Variants in CHD7 observed in about 807,000 individuals in gnomAD.
CHD7 encodes ATP-dependent chromatin remodeler CHD7.
Under a neutral mutation model 307.3 loss-of-function variants are expected in CHD7, and 24 were observed. That is an observed-to-expected ratio of 0.08 (90% CI 0.06 to 0.11). CHD7 has a LOEUF of 0.11. Among genes scored for constraint, CHD7 ranks in the 10% least tolerant of loss-of-function variants. The pLI is 1.00. For synonymous variants in CHD7, 1,363 were observed against 1,349.9 expected (o/e 1.01, Z -0.21); for missense variants, 3,106 against 3,727.1 (o/e 0.83, Z 4.34).
At chr8:60,785,611 C>T (rs1326287846) in intron 3 of CHD7, among the ~76,000 whole-genome samples, 1 of 152,182 alleles carries the variant, frequency 6.6e-6, no homozygotes, top group African/African-American at 2.4e-5. Context: ...TACTTTTACT[C>T]AGCCACCAAG....
Position 60,714,406 on chromosome 8 carries a change from G to GCCCCCCCCCCCCCCCCCCCC in CHD7, c.-174-26851_-174-26832dup, listed in dbSNP as rs71245516. ...CTGACAACATGGCGGCCGGGAGAAGGCCCCCCCCCCCCCCCCCCCCCGCCC... is the reference window on the plus strand; with the variant it reads ...CTGACAACATGGCGGCCGGGAGAAGGCCCCCCCCCCCCCCCCCCCCCCCCCCCCCCCCCCCCCCCCCGCCC... On this transcript the variant is annotated intron_variant, in intron 1 of 37. Transcript: ENST00000423902. Among the ~76,000 whole-genome samples, 5 of 17,622 alleles carry GCCCCCCCCCCCCCCCCCCCC rather than the reference G, an allele frequency of 2.8e-4. 2 individuals are homozygous for GCCCCCCCCCCCCCCCCCCCC. The highest frequency in any genetic ancestry group is 3.8e-4 in the African/African-American group (2 of 5,302). The allele number at this position is 17,622 out of a possible 152,430, so 11.6% of individuals were successfully genotyped here. A position where few individuals can be genotyped will look rare whatever the true frequency, so the allele number is the denominator to read the frequency against.
chr8:60,731,910 G>A (rs1314555088), intron 1 of CHD7, among the ~76,000 whole-genome samples: 2 of 152,138 alleles, frequency 1.3e-5, no homozygotes, highest in Non-Finnish European at 2.9e-5. Context: ...GCCTTAACAG[G>A]CATGGGTCTT....
chr8:60,850,918 C>A, intron 26 of CHD7, 114 bp from the exon 27 acceptor site: 1 of 780,540 alleles, frequency 1.3e-6, no homozygotes, highest in Non-Finnish European at 2.0e-6. Flanking sequence ...CTTTTGATGT[C>A]AAACCCATAA....
chr8:60,844,472 T>C (rs960093315), intron 21 of CHD7, among the ~76,000 whole-genome samples: 33 of 152,198 alleles, frequency 2.2e-4, no homozygotes, highest in African/African-American at 7.7e-4. Context: ...CCTTTTATCT[T>C]GAGTTGCCTT....
intron 7 of CHD7, 142 bp from the exon 8 acceptor site, chr8:60,816,245 T>A: frequency 1.7e-6 from 1 of 579,742 alleles, no homozygotes. Context: ...CAGTGGTGGG[T>A]ATATTAAATG....
At chr8:60,684,425 T>C (rs992099511) in intron 1 of CHD7, among the ~76,000 whole-genome samples, 9 of 152,196 alleles carry the variant, frequency 5.9e-5, no homozygotes, top group African/African-American at 2.2e-4. Flanking sequence ...AATATAGTGA[T>C]GACATGAGAA....
intron 1 of CHD7, among the ~76,000 whole-genome samples, chr8:60,689,738 A>G (rs1487645520): frequency 2.6e-5 from 4 of 152,242 alleles, no homozygotes; most frequent in African/African-American, 9.6e-5. Context: ...GTTGTATCTT[A>G]TCAATGGCAG....
Position 60,741,728 on chromosome 8 carries a change from C to G in CHD7, c.296C>G (p.Ala99Gly). 6.2e-6 allele frequency: 10 copies of G among 1,613,968 alleles called. No homozygotes were observed. Among genetic ancestry groups the G allele is most frequent in the Non-Finnish European group, 8.5e-6 (10 of 1,179,868 alleles). ...MMSNTPGNGL[A>G]SPHSQYHTPP... ...AGCAACACCCCTGGGAACGGACTCG[C>G]GTCTCCGCACTCGCAGTATCACACC... Residue 99 changes from alanine (A) to glycine (G), a missense_variant, in exon 2 of 38, where the codon GCG (alanine) becomes GGG (glycine). Physicochemically the swap from Ala to Gly is moderately conservative, Grantham distance 60 (BLOSUM62 0). Coordinates refer to ENST00000423902, the MANE Select transcript of CHD7 (RefSeq NM_017780.4).
chr8:60,711,737 T>C (rs1309617056), intron 1 of CHD7, among the ~76,000 whole-genome samples: 1 of 152,222 alleles, frequency 6.6e-6, no homozygotes, highest in Non-Finnish European at 1.5e-5. Context: ...ATTAGTGTTA[T>C]TTTATTTTCT....
At chr8:60,684,393 A>G (rs1033567731) in intron 1 of CHD7, among the ~76,000 whole-genome samples, 2 of 152,166 alleles carry the variant, frequency 1.3e-5, no homozygotes, top group Non-Finnish European at 2.9e-5. Context: ...GCTACCTGAA[A>G]GATGCAATGC....
chr8:60,845,119 T>G, intron 22 of CHD7, 56 bp downstream of exon 22: 6 of 1,595,952 alleles, frequency 3.8e-6, no homozygotes, highest in African/African-American at 1.3e-5. Flanking sequence ...CAGGAACTTT[T>G]GTGACACACT....
At chr8:60,752,612 G>T (rs1340258568) in intron 2 of CHD7, among the ~76,000 whole-genome samples, 1 of 152,180 alleles carries the variant, frequency 6.6e-6, no homozygotes, top group Non-Finnish European at 1.5e-5. Flanking sequence ...AATGAAAGGG[G>T]AGGGTATAGA....
At chr8:60,836,006 C>A in intron 15 of CHD7, 67 bp from the exon 16 acceptor site, 1 of 1,199,436 alleles carries the variant, frequency 8.3e-7, no homozygotes, top group Non-Finnish European at 1.2e-6. Flanking sequence ...GTTTTGAAAG[C>A]AAGTGCATTG....
rs1375813352 is a variant in CHD7 at position 60,781,190 on chromosome 8, A to C, written c.1856A>C (p.Asp619Ala). The C allele has an allele frequency of 3.7e-6, 6 of 1,604,344 alleles. No individual in the cohort carries two copies. The African/African-American group carries it at 8.0e-5, about 21-fold the overall frequency. Residue 619 changes from aspartate to alanine, a missense_variant, in exon 3 of 38, where the codon GAC (aspartate) becomes GCC (alanine). Asp to Ala is a moderately radical substitution (Grantham distance 126, BLOSUM62 -2). Transcript: ENST00000423902. ...CCCAGTAAAGGTTTTGGTAAAGATG[A>C]CTTCCCTGGTGGGGTAGATAACCAA... is the stretch of plus-strand genomic sequence containing the variant. ...EDPSKGFGKDDFPGGVDNQEL... is the reference protein window; with the variant it reads ...EDPSKGFGKDAFPGGVDNQEL...
At chr8:60,850,963 C>A in intron 26 of CHD7, 69 bp from the exon 27 acceptor site, 1 of 1,118,900 alleles carries the variant, frequency 8.9e-7, no homozygotes, top group Non-Finnish European at 1.3e-6. Flanking sequence ...TTACTCTTTC[C>A]TACCCACCCC....
intron 2 of CHD7, among the ~76,000 whole-genome samples, chr8:60,765,304 A>G (rs1270310558): frequency 3.5e-5 from 2 of 57,566 alleles, no homozygotes; most frequent in Non-Finnish European, 7.6e-5. Flanking sequence ...ATATGCATGC[A>G]TGCACGCACG....
intron 24 of CHD7, 21 bp downstream of exon 24, chr8:60,848,625 GTT>G: frequency 6.3e-7 from 1 of 1,581,506 alleles, no homozygotes; most frequent in South Asian, 1.1e-5. Flanking sequence ...GCTCACATTT[GTT>G]CTCAACCTCA....
chr8:60,862,492 A>G (rs987013396), intron 36 of CHD7, 56 bp from the exon 37 acceptor site: 10 of 1,506,592 alleles, frequency 6.6e-6, no homozygotes, highest in Non-Finnish European at 9.0e-6. Context: ...GAGTAGATTA[A>G]CAGAAAGGGG....
chr8:60,819,985 T>A (rs1408853567), intron 8 of CHD7, 22 bp from the exon 9 acceptor site: 2 of 1,503,992 alleles, frequency 1.3e-6, no homozygotes, highest in Admixed American at 1.9e-5. Context: ...ACCTTTAACT[T>A]TTTTTTTTCC....
Sources: allele counts gnomAD v4.1 joint callset (sites outside exome capture counted in the v4.1 genomes callset), GRCh38; gene constraint gnomAD v4.1.1; transcripts MANE v1.5; gene names NCBI Gene and HGNC (gene_info 2026-07-23, HGNC 2026-07-21).